VEPH1: variants seen among roughly 807,000 people sequenced by gnomAD.
The protein encoded by VEPH1 is ventricular zone-expressed PH domain-containing protein homolog 1.
Under a neutral mutation model 85.2 loss-of-function variants are expected in VEPH1, and 80 were observed. The observed-to-expected ratio is 0.94, with a 90% confidence interval of 0.78 to 1.13. The LOEUF is 1.13. Among genes scored for constraint, VEPH1 ranks in the 50% most tolerant of loss-of-function variants. The pLI is 0.00. For synonymous variants in VEPH1, 297 were observed against 348.0 expected, an observed-to-expected ratio of 0.85 and a Z score of 1.63; for missense variants, 955 against 980.5, an observed-to-expected ratio of 0.97 and a Z score of 0.35.
chr3:157,380,859 A>G (rs1283310775), intron 7 of VEPH1, among the ~76,000 whole-genome samples: 1 of 152,358 alleles, frequency 6.6e-6, no homozygotes. Context: ...CAGTATGACA[A>G]TTTAAATTGT....
chr3:157,470,326 A>G lies in VEPH1; in HGVS notation c.342T>C (p.Ser114=). 2 of 1,614,012 alleles carry G rather than the reference A, an allele frequency of 1.2e-6. No individual in the cohort carries two copies. The highest frequency in any genetic ancestry group is 4.5e-5 in the East Asian group (2 of 44,866). ...AACACTGACATACCTGTAAAATGCA[A>G]CTCATGATATCAGATGCGATTTTTG... ...PHAKIASDIM[S]CILQNYNRPP... The change falls in exon 3 of 14, where the codon AGT becomes AGC. Residue 114 remains serine, a synonymous_variant. Transcript: ENST00000362010.
chr3:157,422,507 C>A (rs1003064101), intron 5 of VEPH1, among the ~76,000 whole-genome samples: 1 of 152,210 alleles, frequency 6.6e-6, no homozygotes, highest in Non-Finnish European at 1.5e-5. Context: ...GGGACCAGCA[C>A]TGAGGAAACT....
rs1452010959 is a variant in VEPH1, at chr3:157,265,531, T to G, written c.2260A>C (p.Lys754Gln). The G allele has an allele frequency of 6.2e-7, 1 of 1,612,336 alleles. No homozygotes were observed. Among genetic ancestry groups the G allele is most frequent in the Non-Finnish European group, 8.5e-7 (1 of 1,178,904 alleles). ...AGNQLLFQKG[K>Q]SKDDPDDCPI... ...AAGATGATGGAGGAACTTACAGACT[T>G]TCCTTTTTGAAACAGAAGTTGATTT... Residue 754 changes from lysine to glutamine, a missense_variant, in exon 13 of 14, where the codon AAG becomes CAG. Transcript: ENST00000362010.
At chr3:157,447,166 T>A (rs944657420) in intron 4 of VEPH1, among the ~76,000 whole-genome samples, 5 of 152,230 alleles carry the variant, frequency 3.3e-5, no homozygotes, top group African/African-American at 7.2e-5. Flanking sequence ...TAAGTCATTT[T>A]CAGAGTTCAG....
intron 6 of VEPH1, 125 bp from the exon 7 acceptor site, chr3:157,381,501 C>A: frequency 3.3e-6 from 3 of 919,152 alleles, no homozygotes; most frequent in Non-Finnish European, 3.3e-6. Flanking sequence ...AACTCCTGAT[C>A]GAGAACAGGA....
At position 157,313,496 on chromosome 3, in the gene VEPH1, T is replaced by C. The variant is rs533872549; in HGVS notation, c.2010+125A>G. On this transcript the variant is annotated intron_variant, in intron 11 of 13. Transcript: ENST00000362010. Reference sequence around the variant, plus strand: ...TGAAAATAATTTCTTACAAGTGTTTTATGATAATAATAAAAGAAAGGTAAA... The same window carrying C: ...TGAAAATAATTTCTTACAAGTGTTTCATGATAATAATAAAAGAAAGGTAAA... The C allele has an allele frequency of 7.2e-5, 83 of 1,157,572 alleles. No homozygotes were observed. In the African/African-American group the frequency reaches 1.1e-3, roughly 16 times the overall value. The allele number at this position is 1,157,572 out of a possible 1,614,324, so 71.7% of individuals were successfully genotyped here.
chr3:157,346,917 A>C (rs144327536), intron 9 of VEPH1, among the ~76,000 whole-genome samples: 5 of 152,172 alleles, frequency 3.3e-5, no homozygotes, highest in Non-Finnish European at 5.9e-5. Flanking sequence ...TGCCTAGCCT[A>C]AATTTTGAAT....
rs948565905 is a variant in VEPH1 at position 157,409,658 on chromosome 3, T to G, written c.906+4223A>C. ...AGATGGAAAAATTGTGATGCTGCTA[T>G]CAAGCTGTTGAAAACAGTCTGCTCA... On this transcript the variant is annotated intron_variant, in intron 6 of 13. Transcript: ENST00000362010. 46 of 985,308 alleles carry G rather than the reference T, an allele frequency of 4.7e-5. No homozygotes were observed. The Middle Eastern group carries it at 1.5e-3, about 33-fold the overall frequency. 61.0% of individuals were successfully genotyped at this position (985,308 alleles called of 1,614,324 possible).
intron 2 of VEPH1, among the ~76,000 whole-genome samples, chr3:157,478,911 A>T (rs1258902512): frequency 6.6e-6 from 1 of 152,190 alleles, no homozygotes; most frequent in African/African-American, 2.4e-5. Context: ...CAAAAATTTT[A>T]TATCTTCAAA....
At chr3:157,419,762 G>A (rs1732191823) in intron 5 of VEPH1, among the ~76,000 whole-genome samples, 1 of 152,122 alleles carries the variant, frequency 6.6e-6, no homozygotes, top group South Asian at 2.1e-4. Context: ...AAGATAGTGT[G>A]GTGATTCTTC....
chr3:157,458,886 C>T (rs1013093174), intron 4 of VEPH1, among the ~76,000 whole-genome samples: 1 of 152,132 alleles, frequency 6.6e-6, no homozygotes, highest in Non-Finnish European at 1.5e-5. Context: ...AGTCCTTCCC[C>T]CACTGATTAT....
intron 7 of VEPH1, among the ~76,000 whole-genome samples, chr3:157,368,598 T>G (rs1391776177): frequency 6.6e-6 from 1 of 152,036 alleles, no homozygotes; most frequent in African/African-American, 2.4e-5. Context: ...TTCATGCCAT[T>G]CTCCCACCTC....
chr3:157,458,540 T>C (rs1354572193), intron 4 of VEPH1, among the ~76,000 whole-genome samples: 2 of 152,200 alleles, frequency 1.3e-5, no homozygotes, highest in African/African-American at 2.4e-5. Context: ...TTCAGATGCA[T>C]AGTTTGCAAA....
chr3:157,369,192 A>AAAAAAAAAAAAAAAAAAAAAAAC (rs1553773117), intron 7 of VEPH1, among the ~76,000 whole-genome samples: 2 of 142,780 alleles, frequency 1.4e-5, no homozygotes. Flanking sequence ...AAAAAAAAAA[A>AAAAAAAAAAAAAAAAAAAAAAAC]AAAAAAAAAA....
chr3:157,440,584 A>G (rs902297250), intron 4 of VEPH1, among the ~76,000 whole-genome samples: 1 of 152,102 alleles, frequency 6.6e-6, no homozygotes, highest in African/African-American at 2.4e-5. Context: ...CTACATACAC[A>G]TACACACATA....
At chr3:157,435,675 G>C (rs1733516521) in intron 4 of VEPH1, among the ~76,000 whole-genome samples, 2 of 152,108 alleles carry the variant, frequency 1.3e-5, no homozygotes, top group Non-Finnish European at 2.9e-5. Flanking sequence ...TCAGCTCATG[G>C]GATTGTTGTT....
intron 4 of VEPH1, among the ~76,000 whole-genome samples, chr3:157,451,670 A>G (rs773295936): frequency 5.9e-5 from 9 of 152,184 alleles, no homozygotes; most frequent in Non-Finnish European, 1.0e-4. Context: ...ATATAATACA[A>G]TTGTTAAAAA....
chr3:157,348,709 G>A (rs548674937), intron 9 of VEPH1, among the ~76,000 whole-genome samples: 151 of 152,294 alleles, frequency 9.9e-4, no homozygotes, highest in African/African-American at 3.6e-3. Context: ...TGCCCTCCTG[G>A]GCTTCCAATC....
intron 7 of VEPH1, among the ~76,000 whole-genome samples, chr3:157,365,963 C>T (rs1587533): frequency 0.24 from 36,359 of 152,056 alleles, 5,096 homozygotes; most frequent in Admixed American, 0.44. Context: ...TCCCCAGAGA[C>T]TGGGGTTGGG....
Sources: gnomAD v4.1 joint callset for allele counts (sites outside exome capture counted in the v4.1 genomes callset) on GRCh38, gnomAD v4.1.1 for gene constraint, MANE v1.5 for transcripts, NCBI Gene and HGNC (gene_info 2026-07-23, HGNC 2026-07-21) for gene names.